Variants in POLR1C observed in about 807,000 individuals in gnomAD.
POLR1C encodes the protein DNA-directed RNA polymerases I and III subunit RPAC1.
POLR1C carries 42 observed loss-of-function variants against 38.3 expected under a neutral mutation model. The ratio of observed to expected loss-of-function variants is 1.10; its 90% confidence interval spans 0.86 to 1.42. POLR1C has a LOEUF of 1.42. POLR1C is among the 40% of genes most tolerant of loss of function. The probability of loss-of-function intolerance (pLI) is 0.00; values close to 1 mark genes in which losing one functional copy is unlikely to be tolerated. For missense variants in POLR1C, 507 were observed against 450.5 expected (o/e 1.13, Z -1.14); for synonymous variants, 163 against 163.9 (o/e 0.99, Z 0.04).
rs539753631 is a variant in POLR1C, at chr6:43,553,205, G to A, written c.*48+2194G>A. On this transcript the variant is annotated intron_variant, in intron 10 of 10. Coordinates refer to the POLR1C transcript ENST00000607635. ...TAGTTCTAGATCCTCAGGAGCCTGA[G>A]GTAGGAGGATTGCTTGAGCCCAGGA... Among the ~76,000 whole-genome samples, 12 of 152,274 alleles carry A rather than the reference G, an allele frequency of 7.9e-5. No individual in the cohort carries two copies. In the South Asian group the frequency reaches 2.5e-3, roughly 32 times the overall value.
intron 6 of POLR1C, 42 bp from the exon 7 acceptor site, chr6:43,520,583 C>G (rs746343275): frequency 1.9e-6 from 3 of 1,613,312 alleles, no homozygotes; most frequent in Non-Finnish European, 2.5e-6. Flanking sequence ...CTTCCTAACC[C>G]TAGAAGGGTT....
chr6:43,536,758 TAAAAAAAAAAA>T (rs1156884252), intron 9 of POLR1C, among the ~76,000 whole-genome samples: 40 of 19,100 alleles, frequency 2.1e-3, no homozygotes, highest in African/African-American at 8.3e-3. Context: ...AGACTCTATC[TAAAAAAAAAAA>T]AAAAAAAAAA....
intron 2 of POLR1C, 76 bp downstream of exon 2, chr6:43,517,453 A>C: frequency 7.8e-7 from 1 of 1,278,694 alleles, no homozygotes; most frequent in Admixed American, 1.7e-5. Context: ...TGTCTGTCTC[A>C]GAAGCTGCTC....
intron 9 of POLR1C, chr6:43,539,770 T>G (rs530671942): frequency 4.2e-5 from 25 of 588,486 alleles, no homozygotes; most frequent in African/African-American, 4.1e-4. Context: ...AAGAGATAAA[T>G]TATCTGTTCC....
intron 7 of POLR1C, 35 bp downstream of exon 7, chr6:43,520,809 TA>T (rs1288442886): frequency 6.2e-7 from 1 of 1,611,864 alleles, no homozygotes; most frequent in Non-Finnish European, 8.5e-7. Context: ...AGTTAGGACC[TA>T]AATTATATTT....
chr6:43,562,102 A>G lies in POLR1C; in HGVS notation c.*751A>G, dbSNP rs962778713. On this transcript the variant is annotated 3_prime_UTR_variant, in exon 11 of 11. Coordinates refer to the POLR1C transcript ENST00000607635. ...AACACTATTCTATTAAGATAATTTAATCTATAGAATCATGCAATAACTTGT... is the reference window on the plus strand; with the variant it reads ...AACACTATTCTATTAAGATAATTTAGTCTATAGAATCATGCAATAACTTGT... The G allele has an allele frequency of 3.3e-5, 18 of 551,726 alleles. No individual in the cohort carries two copies. The Admixed American group carries it at 5.7e-4, about 17-fold the overall frequency. The allele number at this position is 551,726 out of a possible 1,614,324, so 34.2% of individuals were successfully genotyped here.
At chr6:43,517,728 T>C (rs1792910465) in intron 2 of POLR1C, among the ~76,000 whole-genome samples, 2 of 152,070 alleles carry the variant, frequency 1.3e-5, no homozygotes, top group African/African-American at 2.4e-5. Flanking sequence ...TACATCTCAA[T>C]TGAGCCTTGA....
In POLR1C at chr6:43,520,553, A is replaced by G; in HGVS notation, c.656-72A>G. On this transcript the variant is annotated intron_variant, in intron 6 of 8. Transcript: ENST00000642195. ...CCAAGAGGGTTGTGCTTTTGCTGTT[A>G]GTAGCTTAGGAGGAGTATTCTTCCT... is the stretch of plus-strand genomic sequence containing the variant. The G allele has an allele frequency of 4.4e-6, 7 of 1,602,256 alleles. No homozygotes were observed. In the South Asian group the frequency reaches 7.7e-5, roughly 18 times the overall value.
downstream of POLR1C, chr6:43,522,667 A>C (rs756994602): frequency 2.1e-6 from 1 of 475,384 alleles, no homozygotes; most frequent in Non-Finnish European, 4.5e-6. Flanking sequence ...GGCCCGCACC[A>C]GCTAAAAACT....
chr6:43,518,121 T>G (rs1023638666), intron 2 of POLR1C, among the ~76,000 whole-genome samples: 1 of 152,130 alleles, frequency 6.6e-6, no homozygotes, highest in Admixed American at 6.6e-5. Flanking sequence ...TCTTGGGCAC[T>G]GTTGATGATA....
rs534524643 is a variant in POLR1C at position 43,548,642 on chromosome 6, C to G, written c.*5-2326C>G. Among the ~76,000 whole-genome samples the G allele has an allele frequency of 2.8e-3, 423 of 151,986 alleles. 2 individuals carry two copies. The highest frequency in any genetic ancestry group is 9.4e-3 in the African/African-American group (388 of 41,458). On this transcript the variant is annotated intron_variant, in intron 9 of 10. Coordinates refer to the POLR1C transcript ENST00000607635. ...GCCTAAATAAGCAAGGCAATTTAGG[C>G]GGAAGATAGCTCTTGTCTTGAGTAT...
intron 9 of POLR1C, among the ~76,000 whole-genome samples, chr6:43,534,736 G>A (rs1174269133): frequency 1.3e-5 from 2 of 152,278 alleles, no homozygotes; most frequent in Non-Finnish European, 1.5e-5. Flanking sequence ...GGTGGCTCAC[G>A]CCTATAATCC....
At chr6:43,531,931 C>CT (rs558285491), downstream of POLR1C, among the ~76,000 whole-genome samples, 255 of 152,242 alleles carry the variant, frequency 1.7e-3, no homozygotes, top group African/African-American at 5.9e-3. Context: ...ACACAAAACA[C>CT]TAAGATGTGT....
At chr6:43,532,117 C>T (rs2127709033), downstream of POLR1C, among the ~76,000 whole-genome samples, 1 of 152,262 alleles carries the variant, frequency 6.6e-6, no homozygotes, top group Non-Finnish European at 1.5e-5. Flanking sequence ...AGCAGGAGTT[C>T]CTGACTTAAC....
intron 9 of POLR1C, among the ~76,000 whole-genome samples, chr6:43,541,954 A>AT (rs781297960): frequency 1.4e-4 from 21 of 151,990 alleles, no homozygotes; most frequent in Non-Finnish European, 1.3e-4. Context: ...TAATTTCTGT[A>AT]TTTTTAGTAG....
intron 10 of POLR1C, among the ~76,000 whole-genome samples, chr6:43,557,195 G>A (rs1762138217): frequency 6.6e-6 from 1 of 151,042 alleles, no homozygotes; most frequent in Admixed American, 6.6e-5. Flanking sequence ...GGGAAGCCGA[G>A]GCGGGTGGAT....
At chr6:43,528,126 A>G in intron 8 of POLR1C, 1 of 1,573,818 alleles carries the variant, frequency 6.4e-7, no homozygotes, top group Non-Finnish European at 8.6e-7. Flanking sequence ...CTGCCAGTTC[A>G]TCCACCAAGA....
Position 43,543,971 on chromosome 6 carries a change from C to T in POLR1C, c.*5-6997C>T, listed in dbSNP as rs184000629. 2.5e-3 allele frequency among the ~76,000 whole-genome samples: 386 copies of T among 152,260 alleles called. 3 individuals carry two copies. Among genetic ancestry groups the T allele is most frequent in the African/African-American group, 8.7e-3 (360 of 41,554 alleles). On this transcript the variant is annotated intron_variant, in intron 9 of 10. Transcript: ENST00000607635. The stretch of plus-strand genomic sequence containing the variant: ...GGATTATAGGCATGAGCTACCGCGC[C>T]CAGCCAATAAAATTTACTAAAAAAG...
At chr6:43,527,665 C>T in intron 8 of POLR1C, 1 of 1,613,968 alleles carries the variant, frequency 6.2e-7, no homozygotes, top group Non-Finnish European at 8.5e-7. Flanking sequence ...GGGTTAACAT[C>T]CTCACCAGTT....
Sources: allele counts gnomAD v4.1 joint callset (sites outside exome capture counted in the v4.1 genomes callset), GRCh38; gene constraint gnomAD v4.1.1; transcripts MANE v1.5; gene names NCBI Gene and HGNC (gene_info 2026-07-23, HGNC 2026-07-21).